The following DENND5A variants were observed in gnomAD, a reference collection of about 807,000 sequenced individuals.
DENND5A encodes the protein DENN domain containing 5A.
DENND5A carries 64 observed loss-of-function variants against 140.3 expected under a neutral mutation model. That is an observed-to-expected ratio of 0.46 (90% CI 0.37 to 0.56). DENND5A has a LOEUF of 0.56. DENND5A is among the 20% of genes least tolerant of loss of function. The pLI is 0.00. For synonymous variants in DENND5A, 605 were observed against 607.7 expected (o/e 1.00, Z 0.07); for missense variants, 1,292 against 1,593.8 (o/e 0.81, Z 3.22).
chr11:9,187,512 C>A (rs1443007434), intron 5 of DENND5A, among the ~76,000 whole-genome samples: 1 of 152,088 alleles, frequency 6.6e-6, no homozygotes, highest in South Asian at 2.1e-4. Flanking sequence ...ATTCCTAATA[C>A]CAAAAAACAG....
Position 9,152,365 on chromosome 11 carries a change from A to G in DENND5A, c.2514T>C (p.Ser838=). 1 of 1,609,100 alleles carries G rather than the reference A, an allele frequency of 6.2e-7. No individual in the cohort carries two copies. Among genetic ancestry groups the G allele is most frequent in the Non-Finnish European group, 8.5e-7 (1 of 1,175,384 alleles). The change falls in exon 13 of 23, where the codon AGT becomes AGC. Residue 838 remains serine (S), a synonymous_variant. Transcript: ENST00000328194. ...RQRKLTSGSL[S]TSGILLDSER... ...TTGCAGAGACTATCTTACCTGAGGT[A>G]CTGAGGCTTCCTGATGTGAGTTTTC...
intron 11 of DENND5A, among the ~76,000 whole-genome samples, chr11:9,164,195 T>TTA (rs1848106606): frequency 0.056 from 60 of 1,080 alleles, 1 homozygote; most frequent in African/African-American, 0.16. Context: ...CCACGCCTAA[T>TTA]TTTTTTTTTT....
At chr11:9,247,958 G>T (rs554618144) in intron 1 of DENND5A, among the ~76,000 whole-genome samples, 1 of 152,176 alleles carries the variant, frequency 6.6e-6, no homozygotes, top group African/African-American at 2.4e-5. Context: ...ATGCTAGATA[G>T]AGTCAGGTTG....
intron 4 of DENND5A, among the ~76,000 whole-genome samples, chr11:9,201,935 C>T (rs1849537739): frequency 6.6e-6 from 1 of 152,000 alleles, no homozygotes; most frequent in Non-Finnish European, 1.5e-5. Flanking sequence ...CCACAGACAC[C>T]ATCTTAACCA....
At chr11:9,226,881 G>C (rs1396991395) in intron 1 of DENND5A, among the ~76,000 whole-genome samples, 1 of 152,054 alleles carries the variant, frequency 6.6e-6, no homozygotes, top group African/African-American at 2.4e-5. Context: ...ATGAAAATAA[G>C]CACAAGGACG....
At chr11:9,248,486 C>A (rs552411701) in intron 1 of DENND5A, among the ~76,000 whole-genome samples, 1 of 152,004 alleles carries the variant, frequency 6.6e-6, no homozygotes, top group South Asian at 2.1e-4. Context: ...CACTCACTAT[C>A]TCTACAAAAA....
chr11:9,170,592 G>A (rs1848337514), intron 9 of DENND5A, 35 bp downstream of exon 9: 1 of 1,612,564 alleles, frequency 6.2e-7, no homozygotes, highest in Admixed American at 1.7e-5. Context: ...TTACAGCTAG[G>A]GAGTTGGATT....
At chr11:9,204,661 A>C (rs1437059964) in intron 3 of DENND5A, among the ~76,000 whole-genome samples, 2 of 152,158 alleles carry the variant, frequency 1.3e-5, no homozygotes, top group Non-Finnish European at 2.9e-5. Flanking sequence ...CCAGCAGTTC[A>C]AGACCAGCCT....
At chr11:9,209,838 G>A (rs960566672) in intron 1 of DENND5A, among the ~76,000 whole-genome samples, 15 of 152,144 alleles carry the variant, frequency 9.9e-5, no homozygotes, top group African/African-American at 3.4e-4. Flanking sequence ...GGGCACGGTG[G>A]CTCATACCTG....
intron 12 of DENND5A, among the ~76,000 whole-genome samples, chr11:9,158,366 G>C (rs1590216371): frequency 6.7e-6 from 1 of 150,028 alleles, no homozygotes; most frequent in Non-Finnish European, 1.5e-5. Context: ...ACAACATAGG[G>C]AGACCTCATC....
At chr11:9,203,469 T>C (rs903397734) in intron 4 of DENND5A, 191 bp downstream of exon 4, 6 of 576,318 alleles carry the variant, frequency 1.0e-5, no homozygotes, top group East Asian at 3.1e-5. Flanking sequence ...CAAAAGGCCA[T>C]GAAGATAGTT....
intron 1 of DENND5A, among the ~76,000 whole-genome samples, chr11:9,222,006 C>A (rs547668157): frequency 2.0e-5 from 3 of 152,056 alleles, no homozygotes; most frequent in Admixed American, 6.6e-5. Flanking sequence ...ATCCGCCCAC[C>A]TTGGCCTCCC....
intron 13 of DENND5A, 43 bp from the exon 14 acceptor site, chr11:9,150,807 C>A (rs772600899): frequency 7.4e-7 from 1 of 1,343,040 alleles, no homozygotes; most frequent in Admixed American, 1.7e-5. Flanking sequence ...ATCTGAATAT[C>A]CAAATAGCTG....
At chr11:9,243,090 AAAAAAAAAAAAAAAC>A (rs1183332940) in intron 1 of DENND5A, among the ~76,000 whole-genome samples, 1 of 142,646 alleles carries the variant, frequency 7.0e-6, no homozygotes, top group African/African-American at 2.8e-5. Flanking sequence ...TCTGTCTCAA[AAAAAAAAAAAAAAAC>A]AAAAAAAAAA....
rs139821688 is a variant in DENND5A, at chr11:9,188,621, A to G, written c.1137+4873T>C. On this transcript the variant is annotated intron_variant, in intron 5 of 22. Transcript: ENST00000328194. ...GCTGAGGTGGTTTCAGATGGAGATA[A>G]GGAACTTGCTGGGAACTGGAGCAAA... Among the ~76,000 whole-genome samples the G allele has an allele frequency of 8.5e-5, 13 of 152,312 alleles. No individual in the cohort carries two copies. The East Asian group carries it at 2.5e-3, about 29-fold the overall frequency.
At chr11:9,178,064 T>G in intron 8 of DENND5A, 68 bp downstream of exon 8, 1 of 1,078,642 alleles carries the variant, frequency 9.3e-7, no homozygotes, top group African/African-American at 1.6e-5. Flanking sequence ...GCTGGCATAT[T>G]TAGGAAAAGG....
chr11:9,222,368 G>T (rs1019833416), intron 1 of DENND5A, among the ~76,000 whole-genome samples: 1 of 151,938 alleles, frequency 6.6e-6, no homozygotes, highest in African/African-American at 2.4e-5. Context: ...AAATCCTAAT[G>T]CCAAAAATCT....
intron 10 of DENND5A, among the ~76,000 whole-genome samples, chr11:9,168,084 C>A (rs2136152985): frequency 7.2e-6 from 1 of 138,734 alleles, no homozygotes; most frequent in Admixed American, 7.6e-5. Flanking sequence ...AAAGTGTTAA[C>A]CTCAGTGATT....
chr11:9,159,463 G>A (rs761122369), intron 12 of DENND5A, among the ~76,000 whole-genome samples: 1 of 151,900 alleles, frequency 6.6e-6, no homozygotes, highest in African/African-American at 2.4e-5. Flanking sequence ...TGGGATTACA[G>A]GCATGCACCA....
Sources: gnomAD v4.1 joint callset for allele counts (sites outside exome capture counted in the v4.1 genomes callset) on GRCh38, gnomAD v4.1.1 for gene constraint, MANE v1.5 for transcripts, NCBI Gene and HGNC (gene_info 2026-07-23, HGNC 2026-07-21) for gene names.